The following RPTOR variants were observed in gnomAD, a reference collection of about 807,000 sequenced individuals.
The protein encoded by RPTOR is regulatory associated protein of MTOR complex 1, also known as regulatory-associated protein of mTOR.
A neutral mutation model predicts 169.9 loss-of-function variants in RPTOR; 21 were observed. The ratio of observed to expected loss-of-function variants is 0.12; its 90% CI spans 0.09 to 0.18. The LOEUF (loss-of-function observed/expected upper bound fraction) is 0.18, where lower values mean the gene tolerates loss of function less well. Ranked by LOEUF, RPTOR falls within the 10% of genes least tolerant of loss-of-function variation. The probability of loss-of-function intolerance (pLI) is 1.00; values close to 1 mark genes in which losing one functional copy is unlikely to be tolerated. For missense variants in RPTOR, 1,133 were observed against 1,855.9 expected, an observed-to-expected ratio of 0.61 and a Z score of 7.16; for synonymous variants, 732 against 753.2, an observed-to-expected ratio of 0.97 and a Z score of 0.46.
At chr17:80,549,671 G>A (rs1426586514) in intron 1 of RPTOR, among the ~76,000 whole-genome samples, 1 of 152,234 alleles carries the variant, frequency 6.6e-6, no homozygotes, top group East Asian at 1.9e-4. Flanking sequence ...AGTGGACAGT[G>A]GGGATAACTG....
In RPTOR at chr17:80,823,995, G is replaced by A. The variant is rs145923459; in HGVS notation, c.1136+772G>A. Among the ~76,000 whole-genome samples the A allele has an allele frequency of 5.3e-4, 80 of 152,290 alleles. No individual in the cohort carries two copies. The highest frequency in any genetic ancestry group is 4.2e-3 in the East Asian group (22 of 5,188). On this transcript the variant is annotated intron_variant, in intron 9 of 33. Transcript: ENST00000306801. The surrounding 1 kb of genome is among the most constrained non-coding windows in gnomAD (Gnocchi z 4.5). ...CTAGCCGCAGAAGCCATCATGTGGCGTATTTTCATGGCCAGGTTTATTTTA... is the reference window on the plus strand; with the variant it reads ...CTAGCCGCAGAAGCCATCATGTGGCATATTTTCATGGCCAGGTTTATTTTA...
intron 6 of RPTOR, among the ~76,000 whole-genome samples, chr17:80,775,357 C>T (rs1047645976): frequency 1.2e-4 from 18 of 152,154 alleles, no homozygotes; most frequent in East Asian, 1.9e-4. Context: ...GCGATCCTCT[C>T]GCCTCAGCTT....
In RPTOR at chr17:80,964,266, A is replaced by G; in HGVS notation, c.3944A>G (p.His1315Arg). Residue 1315 changes from histidine (H) to arginine (R), a missense_variant, in exon 34 of 34, where the codon CAC becomes CGC. His to Arg is a conservative substitution (Grantham distance 29). Around this residue, in one of 9 missense-constraint regions of RPTOR, gnomAD observed 410 missense variants for 623.7 expected, o/e 0.66. Transcript: ENST00000306801. ...SCLAFHPHWP[H>R]LAVGSNDYYI... ...ACCCCTTCTCTCTCCTTGCAGCCTC[A>G]CCTGGCCGTGGGAAGCAACGACTAC... is the stretch of plus-strand genomic sequence containing the variant. 1.3e-5 allele frequency: 20 copies of G among 1,593,894 alleles called. No individual in the cohort carries two copies. The highest frequency in any genetic ancestry group is 1.5e-5 in the Non-Finnish European group (18 of 1,176,264).
intron 32 of RPTOR, 88 bp downstream of exon 32, chr17:80,962,665 G>T: frequency 8.0e-7 from 1 of 1,256,904 alleles, no homozygotes; most frequent in South Asian, 1.3e-5. Flanking sequence ...CTGCCCCCAG[G>T]AGCTGAAGGA....
chr17:80,685,955 A>C (rs2143725335), intron 3 of RPTOR, among the ~76,000 whole-genome samples: 1 of 152,016 alleles, frequency 6.6e-6, no homozygotes, highest in South Asian at 2.1e-4. Context: ...GCCTCTGCAG[A>C]GGGCAGGGTC....
chr17:80,822,261 A>G lies in RPTOR; in HGVS notation c.951A>G (p.Thr317=). 1 of 1,614,196 alleles carries G rather than the reference A, an allele frequency of 6.2e-7. No homozygotes were observed. ...TPLGELNWIF[T]AITDTIAWNV... ...TGGGTGAACTGAACTGGATCTTCAC[A>G]GCCATCACAGACACCATCGCGTGGA... Residue 317 remains threonine (T), a synonymous_variant, in exon 8 of 34, where the codon ACA becomes ACG. Transcript: ENST00000306801.
chr17:80,889,753 G>A (rs987575505), intron 17 of RPTOR, among the ~76,000 whole-genome samples: 1 of 152,212 alleles, frequency 6.6e-6, no homozygotes, highest in Non-Finnish European at 1.5e-5. Flanking sequence ...CTGTGTGCCA[G>A]GCAGCAGCCT....
intron 6 of RPTOR, among the ~76,000 whole-genome samples, chr17:80,771,775 C>T (rs551765411): frequency 2.6e-5 from 4 of 152,306 alleles, no homozygotes; most frequent in East Asian, 1.9e-4. Context: ...AGCCAGCCAC[C>T]GCCATGCCCA....
At chr17:80,686,343 C>T (rs367711281) in intron 3 of RPTOR, among the ~76,000 whole-genome samples, 10,498 of 135,598 alleles carry the variant, frequency 0.077, 46 homozygotes, top group African/African-American at 0.2. Flanking sequence ...CCCGCCACCA[C>T]GCCTGGCTAA....
intron 1 of RPTOR, among the ~76,000 whole-genome samples, chr17:80,584,719 A>T (rs1433442220): frequency 6.6e-6 from 1 of 152,214 alleles, no homozygotes; most frequent in African/African-American, 2.4e-5. Context: ...TCCGGATGGA[A>T]CGTGGACGCC....
chr17:80,707,820 TC>T lies in RPTOR; in HGVS notation c.349-20del. On this transcript the variant is annotated intron_variant, in intron 3 of 33. Transcript: ENST00000306801. The surrounding 1 kb of genome is among the most constrained non-coding windows in gnomAD (Gnocchi z 5.0). ...TCCCTGGAGTCCGTGGTAAATTTCT[TC>T]ATTTCTTCTCCTGCAACAGGCCCGG... is the stretch of plus-strand genomic sequence containing the variant. The T allele has an allele frequency of 6.2e-7, 1 of 1,605,128 alleles. No individual in the cohort carries two copies. The highest frequency in any genetic ancestry group is 1.1e-5 in the South Asian group (1 of 90,554).
intron 20 of RPTOR, among the ~76,000 whole-genome samples, chr17:80,900,399 C>T (rs1447948375): frequency 1.3e-5 from 2 of 152,080 alleles, no homozygotes; most frequent in Non-Finnish European, 2.9e-5. Flanking sequence ...GATCTCTGCT[C>T]ACTGCCTCCC....
At chr17:80,826,285 C>T (rs1214464621) in intron 9 of RPTOR, among the ~76,000 whole-genome samples, 2 of 152,208 alleles carry the variant, frequency 1.3e-5, no homozygotes, top group Admixed American at 6.5e-5. Flanking sequence ...CCCTTGGGAG[C>T]GGAGGAAGCG....
chr17:80,822,116 C>G, intron 7 of RPTOR, 85 bp from the exon 8 acceptor site: 1 of 1,273,052 alleles, frequency 7.9e-7, no homozygotes, highest in South Asian at 1.2e-5. Context: ...TTTCGCCGCC[C>G]GCGCCCTTTT....
rs1476549517 is a variant in RPTOR at position 80,695,810 on chromosome 17, A to G, written c.349-12031A>G. Among the ~76,000 whole-genome samples, 7 of 152,208 alleles carry G rather than the reference A, an allele frequency of 4.6e-5. No individual in the cohort carries two copies. Among genetic ancestry groups the G allele is most frequent in the Admixed American group, 2.6e-4 (4 of 15,284 alleles). ...CTCAGGATGCAGAGGCACCAAGGCC[A>G]GGGAGGAGCGTTGGGGGTGGCTGGA... On this transcript the variant is annotated intron_variant, in intron 3 of 33. Transcript: ENST00000306801. The surrounding 1 kb of genome is among the most constrained non-coding windows in gnomAD (Gnocchi z 4.9).
At chr17:80,850,766 A>G (rs755393779) in intron 11 of RPTOR, among the ~76,000 whole-genome samples, 33 of 152,200 alleles carry the variant, frequency 2.2e-4, no homozygotes, top group Non-Finnish European at 4.3e-4. Flanking sequence ...TGTTATACAT[A>G]CCATGTACAT....
At chr17:80,666,865 C>G (rs1364775321) in intron 3 of RPTOR, among the ~76,000 whole-genome samples, 8 of 152,124 alleles carry the variant, frequency 5.3e-5, no homozygotes, top group Non-Finnish European at 1.2e-4. Context: ...GTTCTCTTGA[C>G]CAGAAGCCAT....
intron 6 of RPTOR, 56 bp from the exon 7 acceptor site, chr17:80,791,394 A>G: frequency 6.4e-7 from 1 of 1,551,018 alleles, no homozygotes; most frequent in Non-Finnish European, 8.8e-7. Context: ...AGGCCTGTTG[A>G]ATTTCCTGGG....
At chr17:80,673,734 A>T (rs959065788) in intron 3 of RPTOR, among the ~76,000 whole-genome samples, 5 of 152,186 alleles carry the variant, frequency 3.3e-5, no homozygotes, top group African/African-American at 4.8e-5. Context: ...TCTTGACCCC[A>T]TTTGTTTGAG....
Sources: allele counts gnomAD v4.1 joint callset (sites outside exome capture counted in the v4.1 genomes callset), GRCh38; gene constraint gnomAD v4.1.1; regional missense constraint gnomAD v4.1.1; non-coding constraint Gnocchi (gnomAD v3.1); transcripts MANE v1.5; gene names NCBI Gene and HGNC (gene_info 2026-07-23, HGNC 2026-07-21).